The following HCN4 variants were observed in gnomAD, a reference collection of about 807,000 sequenced individuals.
HCN4 encodes the protein potassium/sodium hyperpolarization-activated cyclic nucleotide-gated channel 4.
HCN4 carries 29 observed loss-of-function variants against 76.9 expected under a neutral mutation model. That is an observed-to-expected ratio of 0.38 (90% CI 0.28 to 0.51). HCN4 has a LOEUF of 0.51. Ranked by LOEUF, HCN4 falls within the 20% of genes least tolerant of loss-of-function variation. The probability of loss-of-function intolerance (pLI) is 0.90; values close to 1 mark genes in which losing one functional copy is unlikely to be tolerated. For missense variants in HCN4, 1,416 were observed against 1,715.2 expected (o/e 0.83, Z 3.08); for synonymous variants, 772 against 762.5 (o/e 1.01, Z -0.21).
In HCN4 at chr15:73,323,146, A is replaced by T; in HGVS notation, c.2947T>A (p.Ser983Thr). The change falls in exon 8 of 8, where the codon TCC becomes ACC. Residue 983 changes from serine to threonine, a missense_variant. Physicochemically the swap from Ser to Thr is moderately conservative, Grantham distance 58. Around this residue, in one of 6 missense-constraint regions of HCN4, gnomAD observed 633 missense variants for 579.8 expected, o/e 1.09. Transcript: ENST00000261917. ...AGTGGGCCAGTGGCCAGACCTAGGG[A>T]CAACTCCCCGGGAGGCTGGCCCAGC... is the stretch of plus-strand genomic sequence containing the variant. ...GQLGQPPGEL[S>T]LGLATGPLST... The T allele has an allele frequency of 6.3e-7, 1 of 1,586,330 alleles. No homozygotes were observed. The highest frequency in any genetic ancestry group is 8.6e-7 in the Non-Finnish European group (1 of 1,167,542).
chr15:73,351,722 A>C (rs2043055792), intron 1 of HCN4, among the ~76,000 whole-genome samples: 1 of 152,148 alleles, frequency 6.6e-6, no homozygotes, highest in Admixed American at 6.5e-5. Context: ...GCTAAGCCCC[A>C]AATCCTTCTG....
Position 73,367,634 on chromosome 15 carries a change from A to G in HCN4, c.637T>C (p.Phe213Leu). The change falls in exon 1 of 8, where the codon TTC becomes CTC. Residue 213 changes from phenylalanine to leucine, a missense_variant. By Grantham distance (22) the Phe-to-Leu change is conservative. Transcript: ENST00000261917. This position sits in a 1 kb window ranked among gnomAD's most constrained non-coding sequence, Gnocchi z 7.5. ...EAEVRLGQAG[F>L]MQRQFGAMLQ... is the part of the protein sequence containing the mutation. ...ATGGCCCCGAACTGGCGCTGCATGA[A>G]GCCGGCCTGGCCCAGGCGCACCTCG... 4 of 1,612,168 alleles carry G rather than the reference A, an allele frequency of 2.5e-6. No individual in the cohort carries two copies. The highest frequency in any genetic ancestry group is 3.4e-6 in the Non-Finnish European group (4 of 1,179,964).
intron 1 of HCN4, among the ~76,000 whole-genome samples, chr15:73,345,073 A>C (rs1309987167): frequency 6.6e-6 from 1 of 152,198 alleles, no homozygotes; most frequent in African/African-American, 2.4e-5. Flanking sequence ...AGGAGGAAGG[A>C]AGTGGGAAAG....
In HCN4 at chr15:73,323,480, C is replaced by CAGTCCAGCGGGGGCAGAG. The variant is rs752722247; in HGVS notation, c.2595_2612dup (p.Ala867_Ser872dup). ...AGCTGGATGAGGGCAGGAGTGGGCT[C>CAGTCCAGCGGGGGCAGAG]AGTCCAGCGGGGGCAGAGAATCCAG... On this transcript the variant is annotated inframe_insertion, in exon 8 of 8. Transcript: ENST00000261917. The CAGTCCAGCGGGGGCAGAG allele has an allele frequency of 6.2e-7, 1 of 1,605,366 alleles. No individual in the cohort carries two copies. The highest frequency in any genetic ancestry group is 8.5e-7 in the Non-Finnish European group (1 of 1,179,736).
intron 2 of HCN4, 115 bp from the exon 3 acceptor site, chr15:73,332,407 G>A: frequency 9.4e-7 from 1 of 1,068,538 alleles, no homozygotes; most frequent in South Asian, 1.3e-5. Context: ...ACTCTGCAGG[G>A]CGCCCACTCA....
At chr15:73,326,725 T>G (rs929321150) in intron 4 of HCN4, among the ~76,000 whole-genome samples, 2 of 152,214 alleles carry the variant, frequency 1.3e-5, no homozygotes, top group African/African-American at 4.8e-5. Flanking sequence ...GCCTTGACTC[T>G]GGCCCTAAAA....
chr15:73,323,567 G>A lies in HCN4; in HGVS notation c.2526C>T (p.Pro842=), dbSNP rs201499694. 4.1e-5 allele frequency: 66 copies of A among 1,600,726 alleles called. No homozygotes were observed. The highest frequency in any genetic ancestry group is 1.7e-4 in the Middle Eastern group (1 of 6,060). ...LIPSALGSAS[P]ASSPSQVDTP... ...TGTCCACCTGGGACGGGCTGCTGGC[G>A]GGCGAGGCGGAGCCCAGCGCAGAAG... The change falls in exon 8 of 8, where the codon CCC becomes CCT. Residue 842 remains proline (P), a synonymous_variant. Transcript: ENST00000261917.
In HCN4 at chr15:73,322,773, T is replaced by C. The variant is rs761260529; in HGVS notation, c.3320A>G (p.His1107Arg). ...GAQTLRRASP[H>R]SSGESMAAFP... The stretch of plus-strand genomic sequence containing the variant: ...GGCAGCCATGGACTCCCCTGAGGAG[T>C]GCGGGGAGGCTCTGCGGAGAGTCTG... The change falls in exon 8 of 8, where the codon CAC becomes CGC. Residue 1107 changes from histidine to arginine, a missense_variant. His to Arg is a conservative substitution (Grantham distance 29, BLOSUM62 0). Transcript: ENST00000261917. 4 of 1,556,734 alleles carry C rather than the reference T, an allele frequency of 2.6e-6. No homozygotes were observed. The highest frequency in any genetic ancestry group is 3.9e-5 in the Admixed American group (2 of 51,212).
chr15:73,343,604 C>T lies in HCN4; in HGVS notation c.990G>A (p.Pro330=), dbSNP rs146954200. 72 of 1,614,070 alleles carry T rather than the reference C, an allele frequency of 4.5e-5. 1 individual carries two copies. The Middle Eastern group carries it at 6.6e-4, about 15-fold the overall frequency. Residue 330 remains proline (P), a synonymous_variant, in exon 2 of 8, where the codon CCG becomes CCA. Coordinates refer to ENST00000261917, the MANE Select transcript of HCN4 (RefSeq NM_005477.3). This position sits in a 1 kb window ranked among gnomAD's most constrained non-coding sequence, Gnocchi z 5.7. ...VEDNTEIILD[P]QRIKMKYLKS... is the part of the protein sequence containing the mutation. The stretch of plus-strand genomic sequence containing the variant: ...TCAGGTACTTCATTTTAATCCGCTG[C>T]GGGTCCAGGATGATCTCTGTGTTGT...
Position 73,324,126 on chromosome 15 carries a change from G to A in HCN4, c.2106C>T (p.Ala702=), listed in dbSNP as rs200773333. 7 of 1,613,748 alleles carry A rather than the reference G, an allele frequency of 4.3e-6. No individual in the cohort carries two copies. The highest frequency in any genetic ancestry group is 5.9e-6 in the Non-Finnish European group (7 of 1,179,970). ...VLEEYPMMRR[A]FETVALDRLD... ...GGCGGTCCAGCGCCACGGTCTCGAA[G>A]GCCCTTCGCATCATGGGGTACTCCT... Residue 702 remains alanine, a synonymous_variant, in exon 7 of 8, where the codon GCC becomes GCT. Coordinates refer to ENST00000261917, the MANE Select transcript of HCN4 (RefSeq NM_005477.3).
Position 73,352,179 on chromosome 15 carries a change from C to T in HCN4, c.786-8371G>A, listed in dbSNP as rs573201809. Among the ~76,000 whole-genome samples the T allele has an allele frequency of 1.8e-4, 28 of 152,288 alleles. No homozygotes were observed. In the East Asian group the frequency reaches 1.9e-3, roughly 11 times the overall value. ...TTTATACGGTAGGTCCTCATAAATA[C>T]GTGAATGGGTGGAAACATACGAATG... On this transcript the variant is annotated intron_variant, in intron 1 of 7. Transcript: ENST00000261917.
chr15:73,332,031 T>C, intron 3 of HCN4, 100 bp downstream of exon 3: 1 of 1,207,512 alleles, frequency 8.3e-7, no homozygotes, highest in Non-Finnish European at 1.2e-6. Context: ...CTCAGGGTCC[T>C]ACATGCTGGA....
At chr15:73,341,069 G>GGGGTGTGTGTGTGTGTGTGTGTGTGT (rs1491312112) in intron 2 of HCN4, 14 of 145,860 alleles carry the variant, frequency 9.6e-5, no homozygotes, top group African/African-American at 3.1e-4. Context: ...GAGGGAGGTA[G>GGGGTGTGTGTGTGTGTGTGTGTGTGT]GTGTGTGTGT....
chr15:73,365,840 C>T (rs1026507564), intron 1 of HCN4, among the ~76,000 whole-genome samples: 2 of 152,096 alleles, frequency 1.3e-5, no homozygotes, highest in Non-Finnish European at 2.9e-5. Flanking sequence ...TCAGCAATCT[C>T]GAGGGGTTGG....
At chr15:73,324,284 A>T in intron 6 of HCN4, 31 bp from the exon 7 acceptor site, 1 of 1,611,598 alleles carries the variant, frequency 6.2e-7, no homozygotes, top group Non-Finnish European at 8.5e-7. Context: ...AGGATGAGGC[A>T]TGCACAGCCT....
chr15:73,357,104 C>A (rs891899743), intron 1 of HCN4, among the ~76,000 whole-genome samples: 2 of 152,222 alleles, frequency 1.3e-5, no homozygotes, highest in African/African-American at 4.8e-5. Flanking sequence ...TCCATGATCA[C>A]ATAAGCACCC....
chr15:73,342,194 A>G (rs776141098), intron 2 of HCN4: 10 of 152,286 alleles, frequency 6.6e-5, no homozygotes, highest in Non-Finnish European at 1.3e-4. Flanking sequence ...TCTTCCTCCC[A>G]GCAAAGCCCT....
chr15:73,341,280 AC>A (rs1276282372), intron 2 of HCN4, among the ~76,000 whole-genome samples: 1 of 151,866 alleles, frequency 6.6e-6, no homozygotes, highest in Non-Finnish European at 1.5e-5. Context: ...AGCTGGGATT[AC>A]AGGCGCCCAC....
chr15:73,327,192 C>T (rs910571541), intron 4 of HCN4, among the ~76,000 whole-genome samples: 11 of 151,506 alleles, frequency 7.3e-5, no homozygotes, highest in Non-Finnish European at 1.0e-4. Flanking sequence ...CTGCAACCTC[C>T]GCCTCCTAGG....
Sources: allele counts gnomAD v4.1 joint callset (sites outside exome capture counted in the v4.1 genomes callset), GRCh38; gene constraint gnomAD v4.1.1; regional missense constraint gnomAD v4.1.1; non-coding constraint Gnocchi (gnomAD v3.1); transcripts MANE v1.5; gene names NCBI Gene and HGNC (gene_info 2026-07-23, HGNC 2026-07-21).